Variants in CAPZA1 observed in about 807,000 individuals in gnomAD.
CAPZA1 encodes F-actin-capping protein subunit alpha-1.
In CAPZA1, 10 loss-of-function variants were observed where a neutral mutation model predicts 40.8. The ratio of observed to expected loss-of-function variants is 0.25; its 90% CI spans 0.15 to 0.42. The LOEUF (loss-of-function observed/expected upper bound fraction) is 0.42, where lower values mean the gene tolerates loss of function less well. Among genes scored for constraint, CAPZA1 ranks in the 10% least tolerant of loss-of-function variants. The pLI is 1.00. For synonymous variants in CAPZA1, 98 were observed against 115.0 expected, an observed-to-expected ratio of 0.85 and a Z score of 0.95; for missense variants, 277 against 353.8, an observed-to-expected ratio of 0.78 and a Z score of 1.74.
Position 112,654,590 on chromosome 1 carries a change from A to T in CAPZA1, c.345A>T (p.Gly115=). Reference sequence around the variant, plus strand: ...ACCCCCAGCCAGAAGAAGCAGATGGAGGTCTGAAGTCTTGGAGAGAATCCT... The same window carrying T: ...ACCCCCAGCCAGAAGAAGCAGATGGTGGTCTGAAGTCTTGGAGAGAATCCT... ...ASDPQPEEAD[G]GLKSWRESCD... Residue 115 remains glycine (G), a synonymous_variant, in exon 5 of 10, where the codon GGA becomes GGT. Coordinates refer to ENST00000263168, the MANE Select transcript of CAPZA1 (RefSeq NM_006135.3). 1 of 1,613,808 alleles carries T rather than the reference A, an allele frequency of 6.2e-7. No homozygotes were observed. The highest frequency in any genetic ancestry group is 8.5e-7 in the Non-Finnish European group (1 of 1,179,704).
At chr1:112,664,834 C>A (rs1035768950) in intron 7 of CAPZA1, among the ~76,000 whole-genome samples, 5 of 152,140 alleles carry the variant, frequency 3.3e-5, no homozygotes, top group Non-Finnish European at 7.3e-5. Context: ...ACTTGGGAGT[C>A]TGAGGCAGGA....
At chr1:112,667,572 T>C (rs1163497233) in intron 8 of CAPZA1, among the ~76,000 whole-genome samples, 2 of 152,160 alleles carry the variant, frequency 1.3e-5, no homozygotes, top group African/African-American at 4.8e-5. Flanking sequence ...CTCTGTTGCC[T>C]AGGCTGGAGT....
chr1:112,645,335 G>A lies in CAPZA1; in HGVS notation c.40-1875G>A, dbSNP rs148506822. Among the ~76,000 whole-genome samples, 8 of 152,206 alleles carry A rather than the reference G, an allele frequency of 5.3e-5. No individual in the cohort carries two copies. In the East Asian group the frequency reaches 1.2e-3, roughly 22 times the overall value. On this transcript the variant is annotated intron_variant, in intron 1 of 9. Coordinates refer to ENST00000263168, the MANE Select transcript of CAPZA1 (RefSeq NM_006135.3). ...ATCAGTAGAACAAGACTTTAAAATC[G>A]GTAGTTATACTGGGCACAGTGGCTC... is the stretch of plus-strand genomic sequence containing the variant.
At chr1:112,640,684 A>C (rs1488161403) in intron 1 of CAPZA1, among the ~76,000 whole-genome samples, 1 of 152,046 alleles carries the variant, frequency 6.6e-6, no homozygotes, top group African/African-American at 2.4e-5. Context: ...GAAAGTGAGG[A>C]GCCCCTCTGC....
At position 112,629,171 on chromosome 1, in the gene CAPZA1, A is replaced by G. The variant is rs577940916; in HGVS notation, c.39+9288A>G. Among the ~76,000 whole-genome samples the G allele has an allele frequency of 3.9e-5, 6 of 152,192 alleles. No homozygotes were observed. In the South Asian group the frequency reaches 8.3e-4, roughly 21 times the overall value. On this transcript the variant is annotated intron_variant, in intron 1 of 9. Coordinates refer to ENST00000263168, the MANE Select transcript of CAPZA1 (RefSeq NM_006135.3). ...CCATTTATCTCTGACTTTATCTCCT[A>G]CATGTTCTTCTTCTGGTCTTTGTTC...
chr1:112,650,263 A>T (rs1170846429), intron 3 of CAPZA1, among the ~76,000 whole-genome samples: 1 of 152,216 alleles, frequency 6.6e-6, no homozygotes, highest in Non-Finnish European at 1.5e-5. Context: ...TTTAGATTTT[A>T]GCCATAGAAA....
intron 1 of CAPZA1, among the ~76,000 whole-genome samples, chr1:112,645,864 A>C (rs1671270706): frequency 6.6e-6 from 1 of 151,940 alleles, no homozygotes; most frequent in African/African-American, 2.4e-5. Context: ...CAGGAGGCTG[A>C]TGCGGAAAGA....
chr1:112,657,469 T>G (rs1426542231), intron 5 of CAPZA1, among the ~76,000 whole-genome samples: 1 of 152,232 alleles, frequency 6.6e-6, no homozygotes, highest in Non-Finnish European at 1.5e-5. Flanking sequence ...TACTAATGGT[T>G]CCTGAGTTAC....
At chr1:112,636,205 A>G (rs1671015337) in intron 1 of CAPZA1, among the ~76,000 whole-genome samples, 1 of 152,208 alleles carries the variant, frequency 6.6e-6, no homozygotes, top group Non-Finnish European at 1.5e-5. Context: ...AGCCACTTCT[A>G]GGGAAAATGA....
intron 5 of CAPZA1, among the ~76,000 whole-genome samples, chr1:112,656,358 T>C (rs1671499474): frequency 6.6e-6 from 1 of 151,630 alleles, no homozygotes; most frequent in African/African-American, 2.4e-5. Context: ...ATATATGTAA[T>C]ATATGCCTGG....
intron 7 of CAPZA1, among the ~76,000 whole-genome samples, chr1:112,660,499 C>T (rs540335279): frequency 2.8e-4 from 43 of 152,062 alleles, no homozygotes; most frequent in Non-Finnish European, 5.9e-4. Flanking sequence ...AGGCTGGTCT[C>T]GATCTCCTGA....
intron 1 of CAPZA1, among the ~76,000 whole-genome samples, chr1:112,640,434 A>G (rs569791079): frequency 1.1e-3 from 82 of 78,018 alleles, no homozygotes; most frequent in Middle Eastern, 0.011. Context: ...GGCCGCCCCT[A>G]CTGGGAAGTG....
Position 112,670,119 on chromosome 1 carries a change from T to G in CAPZA1, c.848T>G (p.Met283Arg). 2 of 1,613,954 alleles carry G rather than the reference T, an allele frequency of 1.2e-6. No homozygotes were observed. The highest frequency in any genetic ancestry group is 1.7e-6 in the Non-Finnish European group (2 of 1,179,850). Residue 283 changes from methionine (M) to arginine (R), a missense_variant, in exon 10 of 10, where the codon ATG becomes AGG. Physicochemically the swap from Met to Arg is moderately conservative, Grantham distance 91 (BLOSUM62 -1). Coordinates refer to ENST00000263168, the MANE Select transcript of CAPZA1 (RefSeq NM_006135.3). ...CTCAGCTACAAGATTGGCAAAGAAA[T>G]GCAGAATGCTTAAAGGCTGAATGTA... ...KILSYKIGKE[M>R]QNA
intron 8 of CAPZA1, among the ~76,000 whole-genome samples, chr1:112,668,613 G>A (rs1671770873): frequency 6.6e-6 from 1 of 152,146 alleles, no homozygotes; most frequent in African/African-American, 2.4e-5. Context: ...AGGCTCCCGA[G>A]TAGCTGGGAT....
chr1:112,653,882 G>A (rs1671448306), intron 4 of CAPZA1, among the ~76,000 whole-genome samples: 1 of 152,192 alleles, frequency 6.6e-6, no homozygotes, highest in Non-Finnish European at 1.5e-5. Flanking sequence ...AGTGAAAATG[G>A]AAGTATTTAA....
rs143532414 is a variant in CAPZA1 at position 112,655,933 on chromosome 1, T to G, written c.426+1262T>G. Among the ~76,000 whole-genome samples, 60 of 152,302 alleles carry G rather than the reference T, an allele frequency of 3.9e-4. No homozygotes were observed. The East Asian group carries it at 0.01, about 25-fold the overall frequency. ...GCTTTATTATTTTTCCTTTATAAAA[T>G]TATGGCATATTAAGAAAAATATTGA... On this transcript the variant is annotated intron_variant, in intron 5 of 9. Transcript: ENST00000263168.
intron 1 of CAPZA1, among the ~76,000 whole-genome samples, chr1:112,621,493 C>T (rs959416269): frequency 3.3e-5 from 5 of 152,102 alleles, no homozygotes; most frequent in Admixed American, 1.3e-4. Flanking sequence ...CTCAAACGAT[C>T]CATCCGTCTT....
At chr1:112,624,022 A>AG (rs1491195729) in intron 1 of CAPZA1, among the ~76,000 whole-genome samples, 1 of 140,752 alleles carries the variant, frequency 7.1e-6, no homozygotes, top group Non-Finnish European at 1.6e-5. Flanking sequence ...AAAAAAAAAG[A>AG]AAAAAGAAAA....
chr1:112,634,124 T>C (rs1458987535), intron 1 of CAPZA1, among the ~76,000 whole-genome samples: 1 of 152,134 alleles, frequency 6.6e-6, no homozygotes, highest in Non-Finnish European at 1.5e-5. Flanking sequence ...TGGGAAAAAC[T>C]CCCTTAGGAA....
Sources: gnomAD v4.1 joint callset for allele counts (sites outside exome capture counted in the v4.1 genomes callset) on GRCh38, gnomAD v4.1.1 for gene constraint, MANE v1.5 for transcripts, NCBI Gene and HGNC (gene_info 2026-07-23, HGNC 2026-07-21) for gene names.